TIMM44: variants seen among roughly 807,000 people sequenced by gnomAD.
TIMM44 encodes mitochondrial import inner membrane translocase subunit TIM44.
In TIMM44, 37 loss-of-function variants were observed where a neutral mutation model predicts 63.8. The observed-to-expected ratio is 0.58, with a 90% CI of 0.45 to 0.76. TIMM44 has a LOEUF of 0.76. Ranked by LOEUF, TIMM44 falls within the 30% of genes least tolerant of loss-of-function variation. The pLI, the probability that TIMM44 is intolerant of heterozygous loss-of-function variation, is 0.00. For missense variants in TIMM44, 573 were observed against 603.8 expected (o/e 0.95, Z 0.54); for synonymous variants, 239 against 245.1 (o/e 0.98, Z 0.23).
At chr19:7,936,826 C>G (rs4804838) in intron 3 of TIMM44, among the ~76,000 whole-genome samples, 1 of 151,706 alleles carries the variant, frequency 6.6e-6, no homozygotes, top group Non-Finnish European at 1.5e-5. Context: ...TAGGGCTGGG[C>G]GCACTGGCTC....
intron 2 of TIMM44, among the ~76,000 whole-genome samples, chr19:7,939,220 C>T (rs578077729): frequency 4.6e-5 from 7 of 152,148 alleles, no homozygotes; most frequent in Non-Finnish European, 8.8e-5. Flanking sequence ...GAATAGAAAA[C>T]TGTGTGCCAG....
chr19:7,932,443 A>G, intron 9 of TIMM44, 184 bp downstream of exon 9: 1 of 754,672 alleles, frequency 1.3e-6, no homozygotes, highest in Non-Finnish European at 2.1e-6. Flanking sequence ...AGGCCCAGGA[A>G]GGGCTTCGGG....
Position 7,940,828 on chromosome 19 carries a change from A to C in TIMM44, c.141+274T>G, listed in dbSNP as rs576390562. 3.3e-5 allele frequency among the ~76,000 whole-genome samples: 5 copies of C among 152,086 alleles called. No individual in the cohort carries two copies. In the East Asian group the frequency reaches 9.7e-4, roughly 29 times the overall value. ...AGGGAAGTAGAATTCAGTTCAATAC[A>C]GGGGTCTCTTCCAAGCATTAGAGCC... On this transcript the variant is annotated intron_variant, in intron 2 of 12. Transcript: ENST00000270538.
At chr19:7,928,242 C>CACCCTGGCGCCCAGGT in intron 10 of TIMM44, 76 bp from the exon 11 acceptor site, 4 of 1,291,728 alleles carry the variant, frequency 3.1e-6, no homozygotes, top group Non-Finnish European at 4.4e-6. Flanking sequence ...GCTGCCCACA[C>CACCCTGGCGCCCAGGT]ACCCTGGCGC....
rs1984366039 is a variant in TIMM44, at chr19:7,943,498, G to A, written c.45+109C>T. ...AAAGATCTAACCCCAAGCTTTCTAAGGAGCCCAAGCAAGGGTCGCGAAGGC... is the reference window on the plus strand; with the variant it reads ...AAAGATCTAACCCCAAGCTTTCTAAAGAGCCCAAGCAAGGGTCGCGAAGGC... On this transcript the variant is annotated intron_variant, in intron 1 of 12. Coordinates refer to ENST00000270538, the MANE Select transcript of TIMM44 (RefSeq NM_006351.4). The surrounding 1 kb of genome is among the most constrained non-coding windows in gnomAD (Gnocchi z 4.3). 2 of 1,285,890 alleles carry A rather than the reference G, an allele frequency of 1.6e-6. No homozygotes were observed. Among genetic ancestry groups the A allele is most frequent in the Admixed American group, 2.0e-5 (1 of 50,084 alleles). 79.7% of individuals were successfully genotyped at this position (1,285,890 alleles called of 1,614,324 possible). A position where few individuals can be genotyped will look rare whatever the true frequency, so the allele number is the denominator to read the frequency against.
At chr19:7,937,009 G>A (rs1008398184) in intron 3 of TIMM44, among the ~76,000 whole-genome samples, 12 of 152,192 alleles carry the variant, frequency 7.9e-5, no homozygotes, top group Non-Finnish European at 1.5e-4. Flanking sequence ...GGCTGAGGCA[G>A]GAGAATCGCT....
At chr19:7,935,166 C>A (rs1221977747) in intron 3 of TIMM44, 21 bp from the exon 4 acceptor site, 12 of 1,453,836 alleles carry the variant, frequency 8.3e-6, no homozygotes, top group Non-Finnish European at 1.1e-5. Context: ...AGCGCTGTGT[C>A]CTTTTTTTTT....
intron 2 of TIMM44, 78 bp from the exon 3 acceptor site, chr19:7,938,275 G>A: frequency 8.6e-7 from 1 of 1,164,388 alleles, no homozygotes; most frequent in Non-Finnish European, 1.2e-6. Context: ...AGGGACTCAG[G>A]GATTTTTTTA....
chr19:7,938,976 T>C (rs1431432117), intron 2 of TIMM44, among the ~76,000 whole-genome samples: 7 of 151,004 alleles, frequency 4.6e-5, no homozygotes, highest in Middle Eastern at 3.2e-3. Context: ...AAGGCAAAAC[T>C]AAGGGGACAG....
chr19:7,938,806 CAAATA>C lies in TIMM44; in HGVS notation c.142-614_142-610del, dbSNP rs200561791. 9.1e-3 allele frequency among the ~76,000 whole-genome samples: 1,385 copies of C among 151,896 alleles called. 21 individuals are homozygous for C. The highest frequency in any genetic ancestry group is 0.031 in the African/African-American group (1,269 of 41,384). The stretch of plus-strand genomic sequence containing the variant: ...TGGGTGACAGAGCGAGACTCCATCT[CAAATA>C]AAATAAAATAAAATAATTTAAAAAA... On this transcript the variant is annotated intron_variant, in intron 2 of 12. Transcript: ENST00000270538.
chr19:7,932,804 C>T (rs375853708), intron 8 of TIMM44, 36 bp downstream of exon 8: 26 of 1,614,134 alleles, frequency 1.6e-5, no homozygotes, highest in African/African-American at 1.1e-4. Flanking sequence ...CCCCGCCCCA[C>T]CACCAGCCTG....
chr19:7,928,243 A>G (rs1353308759), intron 10 of TIMM44, 77 bp from the exon 11 acceptor site: 2 of 1,292,496 alleles, frequency 1.5e-6, no homozygotes, highest in African/African-American at 2.9e-5. Flanking sequence ...CTGCCCACAC[A>G]CCCTGGCGCC....
intron 9 of TIMM44, chr19:7,931,404 G>A (rs941824476): frequency 3.4e-6 from 2 of 585,384 alleles, no homozygotes; most frequent in East Asian, 5.8e-5. Context: ...GGCACAGGCG[G>A]AGGGCGGCCT....
Position 7,935,126 on chromosome 19 carries a change from G to A in TIMM44, c.332C>T (p.Thr111Ile). Residue 111 changes from threonine (T) to isoleucine (I), a missense_variant, in exon 4 of 13, where the codon ACC (threonine) becomes ATC (isoleucine). Transcript: ENST00000270538. ...RRKYKTIESE[T>I]VRTSEVLRKK... ...CCGTAGCACCTCGCTCGTCCGCACG[G>A]TTTCTGACTCGATGGTTTTCTAGGT... is the stretch of plus-strand genomic sequence containing the variant. 2 of 1,609,320 alleles carry A rather than the reference G, an allele frequency of 1.2e-6. No homozygotes were observed. The highest frequency in any genetic ancestry group is 1.7e-6 in the Non-Finnish European group (2 of 1,177,602).
In TIMM44 at chr19:7,933,703, G is replaced by T; in HGVS notation, c.684-133C>A. The T allele has an allele frequency of 7.6e-7, 1 of 1,313,726 alleles. No individual in the cohort carries two copies. The highest frequency in any genetic ancestry group is 1.1e-6 in the Non-Finnish European group (1 of 916,834). The allele number at this position is 1,313,726 out of a possible 1,614,324, so 81.4% of individuals were successfully genotyped here. ...CAAACCTAGGGGCTCTGAGGACCCC[G>T]CCCTCACCTCTCACCCTCAAATTCG... On this transcript the variant is annotated intron_variant, in intron 6 of 12. Transcript: ENST00000270538. This position sits in a 1 kb window ranked among gnomAD's most constrained non-coding sequence, Gnocchi z 4.3.
At chr19:7,936,012 G>A (rs1022533643) in intron 3 of TIMM44, among the ~76,000 whole-genome samples, 1 of 152,250 alleles carries the variant, frequency 6.6e-6, no homozygotes, top group East Asian at 1.9e-4. Flanking sequence ...AAATTAGCCA[G>A]GCGTGGTATC....
rs754134102 is a variant in TIMM44 at position 7,927,188 on chromosome 19, C to CA, written c.1357dup (p.Ter453LeufsTer143). The CA allele has an allele frequency of 8.1e-6, 13 of 1,608,182 alleles. No homozygotes were observed. The highest frequency in any genetic ancestry group is 9.3e-6 in the Non-Finnish European group (11 of 1,179,546). On this transcript the variant is annotated frameshift_variant and stop_lost, in exon 13 of 13. Coordinates refer to ENST00000270538, the MANE Select transcript of TIMM44 (RefSeq NM_006351.4). LOFTEE classifies it high-confidence loss of function. ...GGCTACCTGGCTCCGGCACCACACT[C>CA]AGAGAATCTGCTCGGTGCTGGAGGC... is the stretch of plus-strand genomic sequence containing the variant.
chr19:7,935,697 G>A (rs1396522245), intron 3 of TIMM44, among the ~76,000 whole-genome samples: 1 of 152,204 alleles, frequency 6.6e-6, no homozygotes, highest in Non-Finnish European at 1.5e-5. Flanking sequence ...TACCTCCTGA[G>A]AACAGGAGGC....
In TIMM44 at chr19:7,927,778, G is replaced by A. The variant is rs770355832; in HGVS notation, c.1129-11C>T. The A allele has an allele frequency of 9.3e-6, 15 of 1,607,926 alleles. No homozygotes were observed. In the African/African-American group the frequency reaches 1.6e-4, roughly 17 times the overall value. ...CTTGCCCATGGCCAGCTGCAGAGGGGCCGAGAGGGGGGATGTGCCTCAGAG... is the reference window on the plus strand; with the variant it reads ...CTTGCCCATGGCCAGCTGCAGAGGGACCGAGAGGGGGGATGTGCCTCAGAG... On this transcript the variant is annotated splice_polypyrimidine_tract_variant and intron_variant, in intron 11 of 12. Transcript: ENST00000270538.
Sources: gnomAD v4.1 joint callset for allele counts (sites outside exome capture counted in the v4.1 genomes callset) on GRCh38, gnomAD v4.1.1 for gene constraint, Gnocchi (gnomAD v3.1) non-coding constraint, MANE v1.5 for transcripts, NCBI Gene and HGNC (gene_info 2026-07-23, HGNC 2026-07-21) for gene names.